GABRR1: variants seen among roughly 807,000 people sequenced by gnomAD.
The protein encoded by GABRR1 is gamma-aminobutyric acid receptor subunit rho-1.
GABRR1 carries 59 observed loss-of-function variants against 55.5 expected under a neutral mutation model. The observed-to-expected ratio is 1.06, with a 90% CI of 0.86 to 1.32. The LOEUF (loss-of-function observed/expected upper bound fraction) is 1.32, where lower values mean the gene tolerates loss of function less well. Ranked by LOEUF, GABRR1 falls within the 40% of genes most tolerant of loss-of-function variation. The pLI, the probability that GABRR1 is intolerant of heterozygous loss-of-function variation, is 0.00. For synonymous variants in GABRR1, 213 were observed against 226.0 expected (o/e 0.94, Z 0.51); for missense variants, 602 against 619.1 (o/e 0.97, Z 0.29).
chr6:89,210,557 C>T (rs1772803683), intron 1 of GABRR1, among the ~76,000 whole-genome samples: 1 of 152,172 alleles, frequency 6.6e-6, no homozygotes, highest in African/African-American at 2.4e-5. Flanking sequence ...GTCTCCCCCA[C>T]TAGACTGTCA....
chr6:89,199,737 C>G (rs1245347646), intron 3 of GABRR1, among the ~76,000 whole-genome samples: 1 of 152,142 alleles, frequency 6.6e-6, no homozygotes, highest in African/African-American at 2.4e-5. Context: ...TGAGGTCACC[C>G]ACATTATTCT....
At chr6:89,179,617 A>C (rs1045663228) in intron 9 of GABRR1, among the ~76,000 whole-genome samples, 2 of 152,234 alleles carry the variant, frequency 1.3e-5, no homozygotes, top group African/African-American at 4.8e-5. Flanking sequence ...TGATTCATAG[A>C]TCACCCTGTT....
chr6:89,208,283 G>A (rs556622157), intron 1 of GABRR1, among the ~76,000 whole-genome samples: 150 of 152,316 alleles, frequency 9.8e-4, no homozygotes, highest in Middle Eastern at 3.4e-3. Flanking sequence ...TCCACATAAT[G>A]AGTTGAGCAT....
At chr6:89,189,824 G>A (rs1164039330) in intron 6 of GABRR1, among the ~76,000 whole-genome samples, 1 of 152,114 alleles carries the variant, frequency 6.6e-6, no homozygotes, top group Non-Finnish European at 1.5e-5. Flanking sequence ...CCAGCAGGTG[G>A]TCACAAGGTC....
intron 6 of GABRR1, among the ~76,000 whole-genome samples, chr6:89,187,102 G>T (rs1021734907): frequency 6.6e-6 from 1 of 152,196 alleles, no homozygotes; most frequent in Non-Finnish European, 1.5e-5. Flanking sequence ...GGGAGAAAGT[G>T]TTTGGGCAGG....
chr6:89,197,873 C>T, intron 5 of GABRR1, 147 bp downstream of exon 5: 3 of 643,668 alleles, frequency 4.7e-6, no homozygotes, highest in Non-Finnish European at 5.5e-6. Context: ...AATTTCTACT[C>T]ATGTATAAAG....
rs115744355 is a variant in GABRR1, at chr6:89,192,479, C to T, written c.573-2232G>A. 7.4e-3 allele frequency among the ~76,000 whole-genome samples: 1,123 copies of T among 152,246 alleles called. 15 individuals are homozygous for T. Among genetic ancestry groups the T allele is most frequent in the African/African-American group, 0.026 (1,084 of 41,562 alleles). On this transcript the variant is annotated intron_variant, in intron 5 of 9. Transcript: ENST00000454853. ...AGTGAAGGCCCACTCACGGAATGCC[C>T]ACAATGCTTTCCCGAAAAAATTTCA...
chr6:89,204,161 C>T (rs1772569386), intron 1 of GABRR1, among the ~76,000 whole-genome samples: 1 of 152,214 alleles, frequency 6.6e-6, no homozygotes, highest in African/African-American at 2.4e-5. Flanking sequence ...TGAACTCTGC[C>T]CACATCTCTT....
In GABRR1 at chr6:89,191,785, C is replaced by T. The variant is rs549473771; in HGVS notation, c.573-1538G>A. On this transcript the variant is annotated intron_variant, in intron 5 of 9. Coordinates refer to ENST00000454853, the MANE Select transcript of GABRR1 (RefSeq NM_002042.5). ...CAAAACCCTCTTAAGTCACAAACCA[C>T]ACCTTAATTCAGAAATTAAGAGTTT... Among the ~76,000 whole-genome samples the T allele has an allele frequency of 1.0e-3, 157 of 152,320 alleles. 1 individual carries two copies. The highest frequency in any genetic ancestry group is 3.4e-3 in the Middle Eastern group (1 of 294).
intron 2 of GABRR1, among the ~76,000 whole-genome samples, 196 bp downstream of exon 2, chr6:89,203,239 C>T (rs957998262): frequency 2.0e-5 from 3 of 152,200 alleles, no homozygotes; most frequent in Non-Finnish European, 4.4e-5. Flanking sequence ...GACATCCTCT[C>T]TCACCAGCTC....
At chr6:89,217,452 C>T, upstream of GABRR1, 1 of 1,040,748 alleles carries the variant, frequency 9.6e-7, no homozygotes, top group Non-Finnish European at 1.4e-6. Flanking sequence ...AAAAATCAAC[C>T]CACAGGATGC....
intron 7 of GABRR1, among the ~76,000 whole-genome samples, chr6:89,182,697 T>G (rs1303856030): frequency 6.6e-6 from 1 of 152,092 alleles, no homozygotes; most frequent in Non-Finnish European, 1.5e-5. Context: ...ACCCCAAACC[T>G]ACTTAATTGG....
intron 8 of GABRR1, among the ~76,000 whole-genome samples, chr6:89,181,538 C>T (rs966315455): frequency 9.9e-5 from 15 of 152,220 alleles, no homozygotes; most frequent in African/African-American, 3.4e-4. Flanking sequence ...TTAACAATTT[C>T]CCACAAAGAT....
intron 1 of GABRR1, among the ~76,000 whole-genome samples, chr6:89,222,674 A>G (rs1337509475): frequency 6.6e-6 from 1 of 152,170 alleles, no homozygotes; most frequent in Non-Finnish European, 1.5e-5. Flanking sequence ...CCAATGCCAT[A>G]AACCAGCTGG....
intron 1 of GABRR1, among the ~76,000 whole-genome samples, chr6:89,214,494 C>T (rs1380330659): frequency 1.3e-5 from 2 of 151,928 alleles, no homozygotes; most frequent in Non-Finnish European, 2.9e-5. Flanking sequence ...ATTTGTAAGG[C>T]ATACACATCT....
intron 3 of GABRR1, among the ~76,000 whole-genome samples, chr6:89,200,022 G>A (rs1041444169): frequency 1.3e-5 from 2 of 152,110 alleles, no homozygotes; most frequent in Admixed American, 6.5e-5. Context: ...GAAGTATAAT[G>A]AAGGGAATCA....
intron 5 of GABRR1, among the ~76,000 whole-genome samples, chr6:89,196,580 G>C (rs1053972033): frequency 1.3e-5 from 2 of 152,044 alleles, no homozygotes; most frequent in Non-Finnish European, 2.9e-5. Context: ...AGACTAGCCT[G>C]AGCAACATAG....
At chr6:89,192,950 A>G (rs537674985) in intron 5 of GABRR1, among the ~76,000 whole-genome samples, 3 of 152,342 alleles carry the variant, frequency 2.0e-5, no homozygotes, top group South Asian at 2.1e-4. Flanking sequence ...TCTACCAAGC[A>G]TAATAGAGTA....
chr6:89,209,255 G>T (rs1159133533), intron 1 of GABRR1, among the ~76,000 whole-genome samples: 1 of 151,792 alleles, frequency 6.6e-6, no homozygotes, highest in Non-Finnish European at 1.5e-5. Flanking sequence ...AAGACACCGG[G>T]TTACTTTATT....
Sources: allele counts gnomAD v4.1 joint callset (sites outside exome capture counted in the v4.1 genomes callset), GRCh38; gene constraint gnomAD v4.1.1; transcripts MANE v1.5; gene names NCBI Gene and HGNC (gene_info 2026-07-23, HGNC 2026-07-21).